Variants in DPYD observed in about 807,000 individuals in gnomAD.
DPYD encodes dihydropyrimidine dehydrogenase [NADP(+)].
In DPYD, 109 loss-of-function variants were observed where a neutral mutation model predicts 116.2. That is an observed-to-expected ratio of 0.94 (90% confidence interval 0.80 to 1.10). The LOEUF (loss-of-function observed/expected upper bound fraction) is 1.10. Among genes scored for constraint, DPYD ranks in the 50% least tolerant of loss-of-function variants. DPYD has a pLI of 0.00. For missense variants in DPYD, 1,302 were observed against 1,254.5 expected (o/e 1.04, Z -0.57); for synonymous variants, 440 against 432.0 (o/e 1.02, Z -0.23).
At chr1:97,727,213 T>C (rs1306019160) in intron 4 of DPYD, among the ~76,000 whole-genome samples, 2 of 151,736 alleles carry the variant, frequency 1.3e-5, no homozygotes, top group African/African-American at 4.8e-5. Context: ...GTCAAAATGA[T>C]TCTGGCTGTG....
intron 3 of DPYD, chr1:97,774,628 C>T: frequency 6.3e-6 from 1 of 157,592 alleles, no homozygotes. Context: ...CATGCAAAGG[C>T]CATGCCCAAC....
intron 8 of DPYD, among the ~76,000 whole-genome samples, chr1:97,606,704 T>C (rs1282577546): frequency 6.6e-6 from 1 of 152,004 alleles, no homozygotes; most frequent in Admixed American, 6.6e-5. Flanking sequence ...TAGGAAATGA[T>C]ATAATCAGCT....
chr1:97,554,948 CTTTG>C (rs1373849448), intron 11 of DPYD, among the ~76,000 whole-genome samples: 1 of 151,976 alleles, frequency 6.6e-6, no homozygotes, highest in Non-Finnish European at 1.5e-5. Context: ...TTGAAAAAAA[CTTTG>C]TTTTTGACAT....
chr1:97,531,879 C>T (rs1271563146), intron 12 of DPYD, among the ~76,000 whole-genome samples: 1 of 151,960 alleles, frequency 6.6e-6, no homozygotes, highest in African/African-American at 2.4e-5. Context: ...TCTTTCTGGT[C>T]TTATTGTAAA....
At chr1:97,674,945 C>A (rs990807760) in intron 8 of DPYD, among the ~76,000 whole-genome samples, 3 of 152,072 alleles carry the variant, frequency 2.0e-5, no homozygotes, top group Non-Finnish European at 1.5e-5. Flanking sequence ...TCCATCAGAG[C>A]CCTTACATTG....
At chr1:97,518,427 C>T (rs1381373699) in intron 12 of DPYD, among the ~76,000 whole-genome samples, 6 of 151,986 alleles carry the variant, frequency 3.9e-5, no homozygotes, top group East Asian at 1.9e-4. Flanking sequence ...CCCTAATGTA[C>T]ACCTCCTTTT....
chr1:97,542,691 C>G (rs1300638987), intron 12 of DPYD, among the ~76,000 whole-genome samples: 2 of 152,120 alleles, frequency 1.3e-5, no homozygotes, highest in African/African-American at 2.4e-5. Context: ...TTACACAACT[C>G]ACTTCTTTAC....
chr1:97,514,530 G>C (rs1411152877), intron 13 of DPYD, among the ~76,000 whole-genome samples: 4 of 151,468 alleles, frequency 2.6e-5, no homozygotes, highest in African/African-American at 9.7e-5. Context: ...TTGAAACAAA[G>C]ACAAATATAC....
chr1:97,734,788 GT>G lies in DPYD; in HGVS notation c.321+5603del, dbSNP rs1663830708. On this transcript the variant is annotated intron_variant, in intron 4 of 22. Coordinates refer to ENST00000370192, the MANE Select transcript of DPYD (RefSeq NM_000110.4). The stretch of plus-strand genomic sequence containing the variant: ...CCAAACCATGTAAACAAAGGCTTCT[GT>G]TTTAAGGGTCTCCAAGCATATAGGT... Among the ~76,000 whole-genome samples the G allele has an allele frequency of 2.0e-5, 3 of 152,062 alleles. No individual in the cohort carries two copies. In the South Asian group the frequency reaches 6.2e-4, roughly 31 times the overall value.
chr1:97,838,166 G>A (rs1669859778), intron 2 of DPYD, among the ~76,000 whole-genome samples: 1 of 152,164 alleles, frequency 6.6e-6, no homozygotes. Flanking sequence ...GTCTCAGACA[G>A]CAGTCTTTAT....
At chr1:97,608,496 A>G (rs1655741105) in intron 8 of DPYD, among the ~76,000 whole-genome samples, 1 of 151,786 alleles carries the variant, frequency 6.6e-6, no homozygotes, top group South Asian at 2.1e-4. Context: ...TAGACAGTAG[A>G]AATATATGGG....
intron 2 of DPYD, among the ~76,000 whole-genome samples, chr1:97,851,986 G>GAA (rs1255767517): frequency 1.0e-4 from 3 of 29,338 alleles, no homozygotes; most frequent in African/African-American, 1.9e-4. Flanking sequence ...TTAAAGTATA[G>GAA]AAAAAAAAAA....
chr1:97,716,643 C>T (rs1450209175), intron 5 of DPYD, among the ~76,000 whole-genome samples: 1 of 151,998 alleles, frequency 6.6e-6, no homozygotes, highest in Admixed American at 6.6e-5. Context: ...ACATATGACA[C>T]AATGTACAAA....
intron 13 of DPYD, among the ~76,000 whole-genome samples, chr1:97,507,839 C>A (rs963022539): frequency 6.6e-6 from 1 of 151,856 alleles, no homozygotes; most frequent in African/African-American, 2.4e-5. Context: ...GGAGAACAGA[C>A]AACCTACATG....
chr1:97,531,497 T>C (rs1403102745), intron 12 of DPYD, among the ~76,000 whole-genome samples: 1 of 152,180 alleles, frequency 6.6e-6, no homozygotes, highest in African/African-American at 2.4e-5. Flanking sequence ...GCTCTACATG[T>C]TTGTTTTTAT....
chr1:97,312,473 C>T (rs968209995), intron 16 of DPYD, among the ~76,000 whole-genome samples: 1 of 151,758 alleles, frequency 6.6e-6, no homozygotes, highest in Non-Finnish European at 1.5e-5. Flanking sequence ...CTGCCATTCA[C>T]TACAGCATTG....
intron 18 of DPYD, among the ~76,000 whole-genome samples, chr1:97,268,272 G>A (rs1019088503): frequency 5.3e-5 from 8 of 152,046 alleles, no homozygotes; most frequent in Admixed American, 3.3e-4. Flanking sequence ...TCTTATGCCC[G>A]CAGTTCTCCT....
intron 18 of DPYD, among the ~76,000 whole-genome samples, chr1:97,284,306 A>G (rs1665521081): frequency 6.6e-6 from 1 of 152,054 alleles, no homozygotes; most frequent in Non-Finnish European, 1.5e-5. Context: ...TTGGTTTATG[A>G]TGTATATTCT....
intron 18 of DPYD, among the ~76,000 whole-genome samples, chr1:97,291,109 G>T (rs1417096867): frequency 6.6e-6 from 1 of 152,232 alleles, no homozygotes; most frequent in Non-Finnish European, 1.5e-5. Flanking sequence ...CTGGCCATCA[G>T]AGAAATGCAA....
Sources: gnomAD v4.1 joint callset for allele counts (sites outside exome capture counted in the v4.1 genomes callset) on GRCh38, gnomAD v4.1.1 for gene constraint, MANE v1.5 for transcripts, NCBI Gene and HGNC (gene_info 2026-07-23, HGNC 2026-07-21) for gene names.